GABRA2: variants seen among roughly 807,000 people sequenced by gnomAD.
The protein encoded by GABRA2 is gamma-aminobutyric acid receptor subunit alpha-2.
GABRA2 carries 16 observed loss-of-function variants against 48.7 expected under a neutral mutation model. That is an observed-to-expected ratio of 0.33 (90% CI 0.22 to 0.50). The LOEUF is 0.50. GABRA2 is among the 20% of genes least tolerant of loss of function. The pLI is 0.98. For missense variants in GABRA2, 275 were observed against 535.6 expected (o/e 0.51, Z 4.80); for synonymous variants, 185 against 184.5 (o/e 1.00, Z -0.02).
chr4:46,361,587 CCAAA>C lies in GABRA2; in HGVS notation c.187+24483_187+24486del, dbSNP rs371870213. Among the ~76,000 whole-genome samples, 669 of 152,322 alleles carry C rather than the reference CCAAA, an allele frequency of 4.4e-3. 6 individuals are homozygous for C. Among genetic ancestry groups the C allele is most frequent in the African/African-American group, 0.015 (619 of 41,574 alleles). On this transcript the variant is annotated intron_variant, in intron 3 of 9. Coordinates refer to ENST00000381620, the MANE Select transcript of GABRA2 (RefSeq NM_000807.4). ...GAAGGGAAATGTAGGGTTGGAGCCA[CCAAA>C]CAGAGTCGCTACTGGGGCACCACCT...
Position 46,388,897 on chromosome 4 carries a change from AC to A in GABRA2, c.-10-182del, listed in dbSNP as rs909859166. ...GACGATTTCTTTTTTATGGACCCCCACCCCCACCCTTTTCCTTTCTGTTTCT... is the reference window on the plus strand; with the variant it reads ...GACGATTTCTTTTTTATGGACCCCCACCCCACCCTTTTCCTTTCTGTTTCT... On this transcript the variant is annotated intron_variant, in intron 1 of 9. Coordinates refer to ENST00000381620, the MANE Select transcript of GABRA2 (RefSeq NM_000807.4). 6 of 869,124 alleles carry A rather than the reference AC, an allele frequency of 6.9e-6. No individual in the cohort carries two copies. The African/African-American group carries it at 1.4e-4, about 21-fold the overall frequency. The allele number at this position is 869,124 out of a possible 1,614,324, so 53.8% of individuals were successfully genotyped here. A position where few individuals can be genotyped will look rare whatever the true frequency, so the allele number is the denominator to read the frequency against.
intron 9 of GABRA2, among the ~76,000 whole-genome samples, chr4:46,255,402 CATCTACAG>C (rs1449130324): frequency 1.3e-5 from 2 of 151,514 alleles, no homozygotes; most frequent in Non-Finnish European, 3.0e-5. Context: ...TCAATTTCAC[CATCTACAG>C]ATGTGTAAGA....
At chr4:46,384,387 A>G (rs953182786) in intron 3 of GABRA2, among the ~76,000 whole-genome samples, 5 of 152,234 alleles carry the variant, frequency 3.3e-5, no homozygotes, top group Non-Finnish European at 5.9e-5. Flanking sequence ...AACCTAATTA[A>G]CAAGGTAATG....
At chr4:46,286,298 G>A (rs1317925604) in intron 8 of GABRA2, among the ~76,000 whole-genome samples, 1 of 151,946 alleles carries the variant, frequency 6.6e-6, no homozygotes, top group African/African-American at 2.4e-5. Context: ...TCTCATTATG[G>A]ATAAATAATA....
At chr4:46,285,705 A>C (rs1356907314) in intron 8 of GABRA2, among the ~76,000 whole-genome samples, 1 of 152,020 alleles carries the variant, frequency 6.6e-6, no homozygotes, top group African/African-American at 2.4e-5. Context: ...TTTTATTACT[A>C]TATAACTATT....
At chr4:46,305,468 C>T in intron 7 of GABRA2, 100 bp downstream of exon 7, 2 of 1,111,242 alleles carry the variant, frequency 1.8e-6, no homozygotes, top group Non-Finnish European at 2.6e-6. Context: ...GTTCTTGGAC[C>T]TCAAGAGCAA....
At chr4:46,277,325 G>C (rs768736801) in intron 8 of GABRA2, among the ~76,000 whole-genome samples, 1 of 152,162 alleles carries the variant, frequency 6.6e-6, no homozygotes, top group Non-Finnish European at 1.5e-5. Context: ...CTGGCAGCTT[G>C]CATCTGATTA....
intron 4 of GABRA2, among the ~76,000 whole-genome samples, chr4:46,317,027 C>T (rs1267223549): frequency 1.3e-5 from 2 of 151,786 alleles, no homozygotes; most frequent in East Asian, 1.9e-4. Flanking sequence ...AGTGAGAGGG[C>T]ACTACAAAAT....
chr4:46,384,503 T>A (rs1202495636), intron 3 of GABRA2, among the ~76,000 whole-genome samples: 1 of 152,150 alleles, frequency 6.6e-6, no homozygotes, highest in East Asian at 1.9e-4. Context: ...AACAGGTAGT[T>A]TCTACTACCT....
intron 9 of GABRA2, among the ~76,000 whole-genome samples, chr4:46,258,275 A>G (rs1716252599): frequency 6.6e-6 from 1 of 151,842 alleles, no homozygotes; most frequent in Non-Finnish European, 1.5e-5. Context: ...GGTCATTGTC[A>G]TGATCAGTGA....
chr4:46,333,494 G>A (rs1731716882), intron 3 of GABRA2, among the ~76,000 whole-genome samples: 1 of 151,992 alleles, frequency 6.6e-6, no homozygotes, highest in South Asian at 2.1e-4. Flanking sequence ...ATCATCATGA[G>A]CTAAATGTCT....
intron 3 of GABRA2, among the ~76,000 whole-genome samples, chr4:46,377,469 G>A (rs1394950886): frequency 1.3e-4 from 17 of 131,516 alleles, no homozygotes; most frequent in Non-Finnish European, 2.1e-4. Flanking sequence ...CAACCGCCCC[G>A]TCTGAGAAGT....
At chr4:46,322,825 G>A (rs1393338429) in intron 4 of GABRA2, among the ~76,000 whole-genome samples, 1 of 151,934 alleles carries the variant, frequency 6.6e-6, no homozygotes, top group African/African-American at 2.4e-5. Flanking sequence ...AGAGGCAGAT[G>A]GCAGAAAAGC....
chr4:46,356,819 A>G (rs1189214216), intron 3 of GABRA2, among the ~76,000 whole-genome samples: 1 of 152,168 alleles, frequency 6.6e-6, no homozygotes. Flanking sequence ...TTCACTACCC[A>G]TAAATAACTA....
In GABRA2 at chr4:46,313,839, G is replaced by A. The variant is rs1441189577; in HGVS notation, c.256-1123C>T. Among the ~76,000 whole-genome samples, 6 of 152,098 alleles carry A rather than the reference G, an allele frequency of 3.9e-5. No homozygotes were observed. In the South Asian group the frequency reaches 8.3e-4, roughly 21 times the overall value. On this transcript the variant is annotated intron_variant, in intron 4 of 9. Transcript: ENST00000381620. ...CATGTTTGAAAATAAACAATGCAGC[G>A]ATAGCAATTTTACTAAATTAATGTT... is the stretch of plus-strand genomic sequence containing the variant.
chr4:46,284,991 C>A (rs1218597539), intron 8 of GABRA2, among the ~76,000 whole-genome samples: 1 of 140,440 alleles, frequency 7.1e-6, no homozygotes, highest in Non-Finnish European at 1.5e-5. Flanking sequence ...TCTTAAGAAA[C>A]TTCTATGCAA....
intron 8 of GABRA2, among the ~76,000 whole-genome samples, chr4:46,299,675 C>A (rs969867887): frequency 7.2e-6 from 1 of 139,464 alleles, no homozygotes. Flanking sequence ...GGGTTTCTTT[C>A]TTTTTTTTTT....
chr4:46,315,962 C>CACACAT (rs1248344404), intron 4 of GABRA2, among the ~76,000 whole-genome samples: 1 of 151,658 alleles, frequency 6.6e-6, no homozygotes, highest in East Asian at 1.9e-4. Context: ...CACACACACA[C>CACACAT]ACATATATAT....
chr4:46,298,495 T>C (rs571310369), intron 8 of GABRA2, among the ~76,000 whole-genome samples: 2 of 152,162 alleles, frequency 1.3e-5, no homozygotes, highest in Admixed American at 6.5e-5. Context: ...TTGTTCTAAT[T>C]TTTTGATATC....
Sources: gnomAD v4.1 joint callset for allele counts (sites outside exome capture counted in the v4.1 genomes callset) on GRCh38, gnomAD v4.1.1 for gene constraint, MANE v1.5 for transcripts, NCBI Gene and HGNC (gene_info 2026-07-23, HGNC 2026-07-21) for gene names.